Variants in TTC6 observed in about 807,000 individuals in gnomAD.
TTC6 encodes tetratricopeptide repeat protein 6.
A neutral mutation model predicts 210.4 loss-of-function variants in TTC6; 172 were observed. The ratio of observed to expected loss-of-function variants is 0.82; its 90% confidence interval spans 0.72 to 0.93. The LOEUF (loss-of-function observed/expected upper bound fraction) is 0.93. TTC6 is among the 40% of genes least tolerant of loss of function. The pLI is 0.00. For synonymous variants in TTC6, 804 were observed against 819.6 expected (o/e 0.98, Z 0.32); for missense variants, 2,414 against 2,318.1 (o/e 1.04, Z -0.85).
chr14:37,790,274 A>T (rs1176927929), intron 15 of TTC6, among the ~76,000 whole-genome samples: 2 of 152,064 alleles, frequency 1.3e-5, no homozygotes, highest in Non-Finnish European at 2.9e-5. Flanking sequence ...ACTAGTACTC[A>T]AGCCTGTTCC....
chr14:37,712,973 A>G (rs995388285), intron 5 of TTC6, among the ~76,000 whole-genome samples: 1 of 152,182 alleles, frequency 6.6e-6, no homozygotes. Flanking sequence ...GGGATGATTC[A>G]CAGAGCATGT....
rs111339577 is a variant in TTC6, at chr14:37,766,573, G to A, written c.3266+13338G>A. On this transcript the variant is annotated intron_variant, in intron 14 of 30. Transcript: ENST00000553443. ...TTTTTATGGCTGCATAGTGTTCCAT[G>A]CTGTATATGTACCACGTTTTCTTTA... Among the ~76,000 whole-genome samples the A allele has an allele frequency of 3.3e-5, 5 of 152,270 alleles. 1 individual carries two copies. The highest frequency in any genetic ancestry group is 9.6e-5 in the African/African-American group (4 of 41,558).
chr14:37,690,682 C>T (rs1334187528), intron 3 of TTC6, among the ~76,000 whole-genome samples: 1 of 152,096 alleles, frequency 6.6e-6, no homozygotes, highest in East Asian at 1.9e-4. Context: ...GAGGATGTAA[C>T]AGTTTTCATT....
intron 2 of TTC6, among the ~76,000 whole-genome samples, chr14:37,611,600 C>T (rs1009451119): frequency 6.6e-6 from 1 of 152,176 alleles, no homozygotes; most frequent in African/African-American, 2.4e-5. Context: ...GATTGAGAAC[C>T]TGGTGGAAGG....
At chr14:37,749,195 G>A (rs1449290798) in exon 11 of TTC6, 1 of 1,532,424 alleles carries the variant, frequency 6.5e-7, no homozygotes, top group Non-Finnish European at 8.7e-7. Flanking sequence ...ACCTGAAAGA[G>A]TGAAAGAACC....
At chr14:37,772,063 G>A (rs994713733) in intron 14 of TTC6, among the ~76,000 whole-genome samples, 27 of 152,244 alleles carry the variant, frequency 1.8e-4, no homozygotes, top group Admixed American at 4.6e-4. Flanking sequence ...GTACCCTGCC[G>A]TGTGAGGTGT....
At chr14:37,694,368 A>C (rs913623998) in intron 3 of TTC6, among the ~76,000 whole-genome samples, 4 of 152,144 alleles carry the variant, frequency 2.6e-5, no homozygotes, top group African/African-American at 7.2e-5. Flanking sequence ...TCAAAACTAC[A>C]ATGAGATATT....
chr14:37,775,020 C>G (rs1017858268), intron 14 of TTC6, among the ~76,000 whole-genome samples: 4 of 152,010 alleles, frequency 2.6e-5, no homozygotes, highest in Non-Finnish European at 5.9e-5. Context: ...AGCTTGTGTG[C>G]ATAGTGTTCA....
intron 14 of TTC6, among the ~76,000 whole-genome samples, chr14:37,758,963 A>T (rs2095975785): frequency 6.6e-6 from 1 of 152,136 alleles, no homozygotes; most frequent in African/African-American, 2.4e-5. Flanking sequence ...TTGGTTGGAT[A>T]TGAAATTCTG....
intron 29 of TTC6, among the ~76,000 whole-genome samples, chr14:37,831,140 G>T (rs962019655): frequency 6.6e-6 from 1 of 151,522 alleles, no homozygotes; most frequent in Non-Finnish European, 1.5e-5. Context: ...AGACAAAGTT[G>T]TTTTTTTTAA....
At chr14:37,618,108 T>C (rs2095645614), upstream of TTC6, among the ~76,000 whole-genome samples, 2 of 152,224 alleles carry the variant, frequency 1.3e-5, no homozygotes, top group Non-Finnish European at 2.9e-5. Flanking sequence ...ATTTTGACTT[T>C]AGTTACAGTC....
chr14:37,680,518 G>A (rs1362109302), intron 2 of TTC6, among the ~76,000 whole-genome samples: 1 of 152,086 alleles, frequency 6.6e-6, no homozygotes, highest in Non-Finnish European at 1.5e-5. Flanking sequence ...TTCTGATTTA[G>A]AGACATTTAG....
In TTC6 at chr14:37,651,405, ATATATATATATATATATATATTTTTTTT is replaced by A. The variant is rs1357710431; in HGVS notation, c.939+28404_939+28431del. On this transcript the variant is annotated intron_variant, in intron 1 of 30. Coordinates refer to ENST00000553443, the Ensembl canonical transcript of TTC6. ...GTTTATGTTATATATATATATATAT[ATATATATATATATATATATATTTTTTTT>A]TTTTTTTTTTTTTTTTTTTTCCATC... 2.7e-3 allele frequency among the ~76,000 whole-genome samples: 44 copies of A among 16,092 alleles called. 1 individual carries two copies. Among genetic ancestry groups the A allele is most frequent in the Non-Finnish European group, 4.0e-3 (33 of 8,300 alleles). The allele number at this position is 16,092 out of a possible 152,430, so 10.6% of individuals were successfully genotyped here. A position where few individuals can be genotyped will look rare whatever the true frequency, so the allele number is the denominator to read the frequency against.
chr14:37,729,542 T>C (rs774203137), intron 7 of TTC6, among the ~76,000 whole-genome samples: 7 of 152,144 alleles, frequency 4.6e-5, no homozygotes, highest in Admixed American at 2.0e-4. Flanking sequence ...TCCTGCTTGA[T>C]TGTGATTGCT....
intron 3 of TTC6, among the ~76,000 whole-genome samples, chr14:37,695,581 G>A (rs769490331): frequency 1.3e-5 from 2 of 152,162 alleles, no homozygotes; most frequent in East Asian, 1.9e-4. Flanking sequence ...TTGAACTCCC[G>A]ACCTCAGGTG....
At chr14:37,765,924 T>A (rs1160979543) in intron 14 of TTC6, among the ~76,000 whole-genome samples, 1 of 152,174 alleles carries the variant, frequency 6.6e-6, no homozygotes, top group Non-Finnish European at 1.5e-5. Context: ...GAAGATCCTT[T>A]GTATATGATG....
chr14:37,625,527 G>A (rs1366566651), intron 1 of TTC6, among the ~76,000 whole-genome samples: 1 of 148,960 alleles, frequency 6.7e-6, no homozygotes, highest in East Asian at 2.0e-4. Flanking sequence ...CAGCCTGGGG[G>A]ACAAGAGCGA....
chr14:37,714,898 C>A, intron 6 of TTC6, 102 bp downstream of exon 8: 1 of 1,135,834 alleles, frequency 8.8e-7, no homozygotes, highest in Non-Finnish European at 1.2e-6. Flanking sequence ...TGAGGGCTGG[C>A]CAGGTGTGGT....
At chr14:37,769,049 A>G (rs1003817861) in intron 14 of TTC6, among the ~76,000 whole-genome samples, 2 of 152,044 alleles carry the variant, frequency 1.3e-5, no homozygotes, top group South Asian at 2.1e-4. Flanking sequence ...TTCTGCATCT[A>G]TTGAGATAAT....
Sources: allele counts gnomAD v4.1 joint callset (sites outside exome capture counted in the v4.1 genomes callset), GRCh38; gene constraint gnomAD v4.1.1; transcripts MANE v1.5; gene names NCBI Gene and HGNC (gene_info 2026-07-23, HGNC 2026-07-21).